ZNF345: variants seen among roughly 807,000 people sequenced by gnomAD.
ZNF345 encodes zinc finger protein HZF10.
For synonymous variants in ZNF345, 166 were observed against 187.9 expected (o/e 0.88, Z 0.95); for missense variants, 527 against 589.9 (o/e 0.89, Z 1.10).
chr19:36,885,907 G>A (rs1383010262), intron 3 of ZNF345, among the ~76,000 whole-genome samples: 3 of 152,072 alleles, frequency 2.0e-5, no homozygotes, highest in Middle Eastern at 3.4e-3. Flanking sequence ...AATTCTACCC[G>A]CCTCTCATCA....
chr19:36,891,795 G>A (rs2073056191), intron 3 of ZNF345: 1 of 1,613,900 alleles, frequency 6.2e-7, no homozygotes, highest in Non-Finnish European at 8.5e-7. Flanking sequence ...CACTATTAAA[G>A]GCCTTCCCAC....
intron 2 of ZNF345, among the ~76,000 whole-genome samples, chr19:36,864,525 A>T (rs2072618450): frequency 6.6e-6 from 1 of 151,974 alleles, no homozygotes. Context: ...CCTTGTCTCT[A>T]AAAAATTTAA....
chr19:36,886,822 C>T (rs1228464240), intron 3 of ZNF345, among the ~76,000 whole-genome samples: 1 of 149,136 alleles, frequency 6.7e-6, no homozygotes. Flanking sequence ...CCCGTCTCTA[C>T]TAAAAAAAAA....
chr19:36,876,333 C>T (rs967744790), intron 2 of ZNF345, among the ~76,000 whole-genome samples: 2 of 152,100 alleles, frequency 1.3e-5, no homozygotes, highest in Admixed American at 6.5e-5. Flanking sequence ...CCCAGATTTC[C>T]CACCCCAGGA....
chr19:36,892,577 A>G, intron 3 of ZNF345: 1 of 1,244,206 alleles, frequency 8.0e-7, no homozygotes, highest in Non-Finnish European at 1.1e-6. Flanking sequence ...GAGAAATTAC[A>G]CAGTTTTCAA....
chr19:36,861,341 C>T (rs1459178521), intron 2 of ZNF345, among the ~76,000 whole-genome samples: 1 of 152,188 alleles, frequency 6.6e-6, no homozygotes, highest in East Asian at 1.9e-4. Context: ...GGTGATGGGA[C>T]TGCAGTGTTC....
exon 4 of ZNF345, chr19:36,892,855 C>T: frequency 8.8e-7 from 1 of 1,132,774 alleles, no homozygotes; most frequent in South Asian, 4.1e-5. Context: ...AGCTCTGTGT[C>T]TCCTCGTCGT....
At chr19:36,892,393 T>A (rs554001931) in intron 3 of ZNF345, 1 of 1,612,582 alleles carries the variant, frequency 6.2e-7, no homozygotes, top group Non-Finnish European at 8.5e-7. Context: ...AGTAGACATG[T>A]CTTCACGGGT....
downstream of ZNF345, among the ~76,000 whole-genome samples, chr19:36,884,364 TACA>T (rs142207420): frequency 3.3e-4 from 50 of 152,240 alleles, no homozygotes; most frequent in African/African-American, 1.1e-3. Flanking sequence ...GGCCTATGAT[TACA>T]ACCTTATTAT....
At position 36,877,769 on chromosome 19, in the gene ZNF345, C is replaced by G; in HGVS notation, c.939C>G (p.Pro313=). 6.2e-7 allele frequency: 1 copy of G among 1,613,412 alleles called. No homozygotes were observed. Residue 313 remains proline (P), a synonymous_variant, in exon 3 of 3, where the codon CCC becomes CCG. Transcript: ENST00000420450. ...AGAGAATTCACACTGGTGAGAAACC[C>G]TATGAGTGTAAGGAGTGTGAGAAAG... ...QHQRIHTGEK[P]YECKECEKAF...
rs1047287846 is a variant in ZNF345 at position 36,871,897 on chromosome 19, A to G, written c.-46-4888A>G. On this transcript the variant is annotated intron_variant, in intron 2 of 2. Transcript: ENST00000420450. Reference sequence around the variant, plus strand: ...ATTCTCCTGCCTCAGCCTCCCTAGTAGCTGGGATTACAGGCATGTGCCACT... The same window carrying G: ...ATTCTCCTGCCTCAGCCTCCCTAGTGGCTGGGATTACAGGCATGTGCCACT... Among the ~76,000 whole-genome samples, 37 of 152,028 alleles carry G rather than the reference A, an allele frequency of 2.4e-4. 1 individual carries two copies. Among genetic ancestry groups the G allele is most frequent in the Non-Finnish European group, 5.9e-5 (4 of 68,024 alleles).
chr19:36,883,741 G>A (rs1247282117), downstream of ZNF345, among the ~76,000 whole-genome samples: 6 of 152,272 alleles, frequency 3.9e-5, no homozygotes, highest in East Asian at 1.9e-4. Flanking sequence ...GGAATCGTAC[G>A]CTGAACCCTT....
chr19:36,884,943 C>G (rs12973920), intron 3 of ZNF345, among the ~76,000 whole-genome samples: 1,589 of 152,218 alleles, frequency 0.01, 28 homozygotes, highest in Non-Finnish European at 0.012. Flanking sequence ...ACTCTGGGAA[C>G]CTTCTTATAC....
At chr19:36,868,822 C>T (rs1235701796) in intron 2 of ZNF345, among the ~76,000 whole-genome samples, 7 of 151,176 alleles carry the variant, frequency 4.6e-5, no homozygotes, top group Admixed American at 4.0e-4. Flanking sequence ...GACAGGGTTT[C>T]ACCATGTTGG....
intron 2 of ZNF345, among the ~76,000 whole-genome samples, chr19:36,868,282 G>T (rs567548524): frequency 6.6e-6 from 1 of 152,016 alleles, no homozygotes; most frequent in African/African-American, 2.4e-5. Context: ...GATTACAGGC[G>T]TGAGCCACCG....
At chr19:36,893,087 T>A (rs1016620908), downstream of ZNF345, 3 of 398,048 alleles carry the variant, frequency 7.5e-6, no homozygotes, top group African/African-American at 6.2e-5. Flanking sequence ...CAGACCTACA[T>A]GAAAGGACTG....
At chr19:36,889,552 T>G in intron 3 of ZNF345, 1 of 152,212 alleles carries the variant, frequency 6.6e-6, no homozygotes, top group African/African-American at 2.4e-5. Context: ...TTTATCCACT[T>G]CCTCTAGGTT....
intron 2 of ZNF345, among the ~76,000 whole-genome samples, chr19:36,852,509 G>A (rs550187759): frequency 6.6e-6 from 1 of 151,948 alleles, no homozygotes; most frequent in Admixed American, 6.6e-5. Flanking sequence ...TACTTGGGAG[G>A]CTGAGGAGAA....
chr19:36,876,829 A>G lies in ZNF345; in HGVS notation c.-2A>G. On this transcript the variant is annotated 5_prime_UTR_variant, in exon 3 of 3. Coordinates refer to ENST00000420450, the MANE Select transcript of ZNF345 (RefSeq NM_001242472.2). Reference sequence around the variant, plus strand: ...ACCAAGAAATTATTTCTGAAAAAGGATATGGAAAACCTTACAAAACACAGC... The same window carrying G: ...ACCAAGAAATTATTTCTGAAAAAGGGTATGGAAAACCTTACAAAACACAGC... 2 of 1,569,426 alleles carry G rather than the reference A, an allele frequency of 1.3e-6. No homozygotes were observed. Among genetic ancestry groups the G allele is most frequent in the South Asian group, 1.2e-5 (1 of 84,066 alleles).
Sources: gnomAD v4.1 joint callset for allele counts (sites outside exome capture counted in the v4.1 genomes callset) on GRCh38, gnomAD v4.1.1 for gene constraint, MANE v1.5 for transcripts, NCBI Gene and HGNC (gene_info 2026-07-23, HGNC 2026-07-21) for gene names.